Variants in IFT56 observed in about 807,000 individuals in gnomAD.
IFT56 encodes the protein intraflagellar transport 56.
chr7:139,161,660 T>C, the IFT56 span, among the ~76,000 whole-genome samples: 2 of 152,244 alleles, frequency 1.3e-5, no homozygotes, highest in Non-Finnish European at 2.9e-5. Flanking sequence ...CTGATTTCTC[T>C]ATTCCTTTTT....
At chr7:139,133,945 G>C in the IFT56 span, 1 of 1,526,884 alleles carries the variant, frequency 6.5e-7, no homozygotes. Context: ...TCTGTGTGAA[G>C]TCTAGGTGTG....
chr7:139,154,368 G>C, the IFT56 span, among the ~76,000 whole-genome samples: 2 of 79,440 alleles, frequency 2.5e-5, no homozygotes, highest in South Asian at 3.9e-4. Flanking sequence ...TTTTTTTTTT[G>C]CCTTTTGTTT....
At chr7:139,149,893 C>T in the IFT56 span, among the ~76,000 whole-genome samples, 3 of 151,740 alleles carry the variant, frequency 2.0e-5, no homozygotes, top group Admixed American at 2.0e-4. Context: ...AACACATACA[C>T]ATATATACAT....
the IFT56 span, among the ~76,000 whole-genome samples, chr7:139,185,185 AG>A: frequency 6.7e-6 from 1 of 149,394 alleles, no homozygotes. Context: ...TGGATGACAA[AG>A]CAAGACCTTG....
the IFT56 span, chr7:139,148,243 T>C: frequency 1.2e-6 from 2 of 1,613,680 alleles, no homozygotes; most frequent in Non-Finnish European, 1.7e-6. Flanking sequence ...GGCCCTCTGC[T>C]ACTACAAGTT....
At chr7:139,135,014 C>T in the IFT56 span, among the ~76,000 whole-genome samples, 1 of 152,166 alleles carries the variant, frequency 6.6e-6, no homozygotes, top group African/African-American at 2.4e-5. Flanking sequence ...GGCGCGGTGG[C>T]TCATGCCTGT....
At chr7:139,179,536 A>G in the IFT56 span, 13 of 1,575,130 alleles carry the variant, frequency 8.3e-6, no homozygotes, top group Non-Finnish European at 1.1e-5. Context: ...TTGCAAAAGC[A>G]TCCTCATGTG....
the IFT56 span, among the ~76,000 whole-genome samples, chr7:139,180,241 A>G: frequency 9.2e-5 from 14 of 152,054 alleles, 1 homozygote; most frequent in Non-Finnish European, 1.3e-4. Context: ...GGAGGCTGAG[A>G]TAGGAAAATG....
chr7:139,150,590 T>C, the IFT56 span, among the ~76,000 whole-genome samples: 3 of 152,298 alleles, frequency 2.0e-5, no homozygotes, highest in Middle Eastern at 6.8e-3. Flanking sequence ...GAAGGCTATG[T>C]CAAATGTACC....
the IFT56 span, chr7:139,147,117 C>T: frequency 6.2e-7 from 1 of 1,609,768 alleles, no homozygotes; most frequent in Non-Finnish European, 8.5e-7. Flanking sequence ...TGAATCTTTA[C>T]ATGTCTTTTC....
the IFT56 span, among the ~76,000 whole-genome samples, chr7:139,150,681 A>T: frequency 6.6e-6 from 1 of 152,226 alleles, no homozygotes; most frequent in Non-Finnish European, 1.5e-5. Flanking sequence ...AAATTCAGGC[A>T]TTCTTCTAAC....
At chr7:139,163,880 G>C in the IFT56 span, among the ~76,000 whole-genome samples, 1 of 152,226 alleles carries the variant, frequency 6.6e-6, no homozygotes, top group African/African-American at 2.4e-5. Context: ...TCGGGGTCGA[G>C]AGAAGAGATT....
chr7:139,191,766 A>G, the IFT56 span: 2 of 152,224 alleles, frequency 1.3e-5, no homozygotes, highest in Non-Finnish European at 2.9e-5. Context: ...GTAGTATTGC[A>G]TAGCTGGTTT....
At chr7:139,180,416 A>T in the IFT56 span, among the ~76,000 whole-genome samples, 1 of 151,636 alleles carries the variant, frequency 6.6e-6, no homozygotes, top group Non-Finnish European at 1.5e-5. Context: ...AAAACTCAAG[A>T]TTTAAAATGT....
At chr7:139,153,217 C>A in the IFT56 span, among the ~76,000 whole-genome samples, 1 of 151,302 alleles carries the variant, frequency 6.6e-6, no homozygotes, top group African/African-American at 2.4e-5. Context: ...TTTTAGAAGT[C>A]CGAGGCAGGC....
chr7:139,137,966 A>G, the IFT56 span: 1 of 1,407,638 alleles, frequency 7.1e-7, no homozygotes, highest in African/African-American at 1.4e-5. Flanking sequence ...TTTTTTTCCT[A>G]ACAGAACTGT....
chr7:139,141,996 G>T, the IFT56 span, among the ~76,000 whole-genome samples: 2 of 152,218 alleles, frequency 1.3e-5, no homozygotes, highest in African/African-American at 4.8e-5. Context: ...GTGGAGTGTT[G>T]CATGGTGGAT....
At chr7:139,153,421 A>T in the IFT56 span, among the ~76,000 whole-genome samples, 2 of 151,144 alleles carry the variant, frequency 1.3e-5, no homozygotes, top group South Asian at 4.2e-4. Context: ...AATGCACTCC[A>T]GCCTGGGTGA....
chr7:139,145,778 A>G, the IFT56 span, among the ~76,000 whole-genome samples: 7 of 151,806 alleles, frequency 4.6e-5, no homozygotes, highest in African/African-American at 1.7e-4. Flanking sequence ...GGAGCACTGC[A>G]TACTACAAGC....
Sources: allele counts gnomAD v4.1 joint callset (sites outside exome capture counted in the v4.1 genomes callset), GRCh38; gene constraint gnomAD v4.1.1; transcripts MANE v1.5; gene names NCBI Gene and HGNC (gene_info 2026-07-23, HGNC 2026-07-21).